CALCRL: variants seen among roughly 807,000 people sequenced by gnomAD.
CALCRL encodes calcitonin receptor like receptor.
Under a neutral mutation model 60.4 loss-of-function variants are expected in CALCRL, and 27 were observed. That is an observed-to-expected ratio of 0.45 (90% confidence interval 0.33 to 0.62). CALCRL has a LOEUF of 0.62. Among genes scored for constraint, CALCRL ranks in the 20% least tolerant of loss-of-function variants. CALCRL has a pLI of 0.03. For missense variants in CALCRL, 424 were observed against 540.7 expected (o/e 0.78, Z 2.14); for synonymous variants, 190 against 182.6 (o/e 1.04, Z -0.33).
chr2:187,366,916 A>AG, intron 8 of CALCRL, among the ~76,000 whole-genome samples: 1 of 94,912 alleles, frequency 1.1e-5, no homozygotes, highest in African/African-American at 4.1e-5. Flanking sequence ...TTGTGAGTAT[A>AG]ACCCCACACA....
chr2:187,361,160 A>G (rs143080060), intron 9 of CALCRL, among the ~76,000 whole-genome samples: 1 of 72,186 alleles, frequency 1.4e-5, no homozygotes, highest in East Asian at 4.0e-4. Context: ...CAATTCATTA[A>G]AAGTGCCCAA....
At chr2:187,417,574 C>A (rs1166503284) in intron 1 of CALCRL, among the ~76,000 whole-genome samples, 2 of 151,940 alleles carry the variant, frequency 1.3e-5, no homozygotes, top group African/African-American at 4.8e-5. Context: ...TGCCTTTGAC[C>A]TGTAATGAAC....
chr2:187,438,559 T>C (rs1469938318), intron 1 of CALCRL, among the ~76,000 whole-genome samples: 1 of 152,154 alleles, frequency 6.6e-6, no homozygotes, highest in Non-Finnish European at 1.5e-5. Context: ...TTTTCCTCCT[T>C]GTATAGGCTC....
At chr2:187,400,814 T>C (rs1688856752) in intron 1 of CALCRL, among the ~76,000 whole-genome samples, 2 of 151,456 alleles carry the variant, frequency 1.3e-5, no homozygotes, top group South Asian at 4.1e-4. Context: ...TTCCCATTTA[T>C]ACGAAATATC....
At chr2:187,419,628 A>T (rs1472703124) in intron 1 of CALCRL, among the ~76,000 whole-genome samples, 5 of 152,242 alleles carry the variant, frequency 3.3e-5, no homozygotes, top group Non-Finnish European at 5.9e-5. Context: ...GGAATTTTTT[A>T]AATTATCTAA....
intron 1 of CALCRL, among the ~76,000 whole-genome samples, chr2:187,438,170 T>C (rs1027475284): frequency 1.3e-5 from 2 of 152,140 alleles, no homozygotes; most frequent in African/African-American, 4.8e-5. Flanking sequence ...AAATAAAAGA[T>C]GTATTATTAT....
At chr2:187,447,117 C>CATT (rs1691225871) in intron 1 of CALCRL, among the ~76,000 whole-genome samples, 1 of 152,020 alleles carries the variant, frequency 6.6e-6, no homozygotes, top group African/African-American at 2.4e-5. Flanking sequence ...TCGGAATGAG[C>CATT]ATTAACAGAT....
rs953831660 is a variant in CALCRL, at chr2:187,416,770, T to C, written c.-292-29014A>G. ...AGAACATTCTGTAATTCAATGTATA[T>C]GTTTCTCACGTGAATTACAATAATA... On this transcript the variant is annotated intron_variant, in intron 1 of 14. Transcript: ENST00000392370. Among the ~76,000 whole-genome samples the C allele has an allele frequency of 2.0e-5, 3 of 152,078 alleles. No homozygotes were observed. The East Asian group carries it at 5.8e-4, about 29-fold the overall frequency.
chr2:187,358,568 G>T (rs992281907), intron 12 of CALCRL, among the ~76,000 whole-genome samples: 3 of 150,870 alleles, frequency 2.0e-5, no homozygotes, highest in African/African-American at 7.4e-5. Context: ...TGCCACAGGA[G>T]GATGATGTCT....
intron 10 of CALCRL, 21 bp from the exon 11 acceptor site, chr2:187,359,293 G>T (rs1686943963): frequency 2.8e-6 from 4 of 1,450,268 alleles, no homozygotes; most frequent in Non-Finnish European, 3.7e-6. Context: ...AAAAAAAAAA[G>T]AAAATAAATA....
At chr2:187,353,989 T>G (rs1203732143) in intron 12 of CALCRL, among the ~76,000 whole-genome samples, 1 of 151,984 alleles carries the variant, frequency 6.6e-6, no homozygotes, top group Non-Finnish European at 1.5e-5. Context: ...AATAATTGTC[T>G]TAGAATGAAT....
chr2:187,405,833 G>T lies in CALCRL; in HGVS notation c.-292-18077C>A, dbSNP rs538342182. Among the ~76,000 whole-genome samples the T allele has an allele frequency of 7.9e-5, 12 of 152,128 alleles. No individual in the cohort carries two copies. The East Asian group carries it at 1.9e-3, about 25-fold the overall frequency. On this transcript the variant is annotated intron_variant, in intron 1 of 14. Transcript: ENST00000392370. Reference sequence around the variant, plus strand: ...AGTTTGTTAGTTTGGAGGAATGGCTGCTGTGTTCCTGAGATACTTAGTATG... The same window carrying T: ...AGTTTGTTAGTTTGGAGGAATGGCTTCTGTGTTCCTGAGATACTTAGTATG...
At chr2:187,390,308 A>G (rs1309011686) in intron 1 of CALCRL, among the ~76,000 whole-genome samples, 1 of 152,170 alleles carries the variant, frequency 6.6e-6, no homozygotes, top group South Asian at 2.1e-4. Flanking sequence ...ATAAAAGTAT[A>G]TATATTTAAA....
chr2:187,350,419 TG>T (rs1559036545), intron 14 of CALCRL, among the ~76,000 whole-genome samples: 2 of 149,784 alleles, frequency 1.3e-5, no homozygotes, highest in African/African-American at 4.9e-5. Context: ...ATCTATTTTT[TG>T]TAACTGCATT....
At chr2:187,389,505 T>C (rs766554658) in intron 1 of CALCRL, among the ~76,000 whole-genome samples, 2 of 152,222 alleles carry the variant, frequency 1.3e-5, no homozygotes, top group Non-Finnish European at 2.9e-5. Flanking sequence ...CTCACATTTC[T>C]GAAGTTATCA....
At position 187,448,201 on chromosome 2, in the gene CALCRL, T is replaced by C. The variant is rs1691278758; in HGVS notation, c.-455A>G. On this transcript the variant is annotated 5_prime_UTR_variant, in exon 1 of 15. Transcript: ENST00000392370. ...ATGAGATTCAGTTAGCAGAGCTTGA[T>C]GGTCCTAAAGCAGGAGGTGACACTC... The C allele has an allele frequency of 1.3e-5, 2 of 152,018 alleles. No homozygotes were observed. The highest frequency in any genetic ancestry group is 2.1e-4 in the South Asian group (1 of 4,828). The allele number at this position is 152,018 out of a possible 1,614,324, so 9.4% of individuals were successfully genotyped here.
chr2:187,360,597 C>A lies in CALCRL; in HGVS notation c.781+1G>T. The A allele has an allele frequency of 6.2e-7, 1 of 1,608,450 alleles. No homozygotes were observed. The highest frequency in any genetic ancestry group is 8.5e-7 in the Non-Finnish European group (1 of 1,177,452). ...CAACAAGTATGTATAATAACACTTA[C>A]CCCAGCCAAGAAAATAATACCACAT... On this transcript the variant is annotated splice_donor_variant, in intron 10 of 14. Transcript: ENST00000392370. LOFTEE classifies it high-confidence loss of function.
intron 8 of CALCRL, among the ~76,000 whole-genome samples, chr2:187,369,651 A>T (rs963553891): frequency 2.6e-5 from 4 of 152,190 alleles, no homozygotes; most frequent in Non-Finnish European, 5.9e-5. Flanking sequence ...AACAGTTGTG[A>T]ATAATACAAA....
intron 1 of CALCRL, among the ~76,000 whole-genome samples, chr2:187,401,895 T>C (rs1688902214): frequency 6.6e-6 from 1 of 150,516 alleles, no homozygotes; most frequent in South Asian, 2.1e-4. Context: ...TCTATGGAGC[T>C]ATTACATGGT....
Sources: allele counts gnomAD v4.1 joint callset (sites outside exome capture counted in the v4.1 genomes callset), GRCh38; gene constraint gnomAD v4.1.1; transcripts MANE v1.5; gene names NCBI Gene and HGNC (gene_info 2026-07-23, HGNC 2026-07-21).